The following TRUB2 variants were observed in gnomAD, a reference collection of about 807,000 sequenced individuals.
TRUB2 encodes the protein TruB pseudouridine synthase family member 2.
A neutral mutation model predicts 31.9 loss-of-function variants in TRUB2; 31 were observed. That is an observed-to-expected ratio of 0.97 (90% CI 0.73 to 1.31). TRUB2 has a LOEUF of 1.31. TRUB2 is among the 50% of genes most tolerant of loss of function. The pLI is 0.00. For missense variants in TRUB2, 451 were observed against 439.6 expected (o/e 1.03, Z -0.23); for synonymous variants, 201 against 182.6 (o/e 1.10, Z -0.81).
chr9:128,317,005 C>T, intron 3 of TRUB2, 147 bp downstream of exon 3: 1 of 672,910 alleles, frequency 1.5e-6, no homozygotes, highest in Non-Finnish European at 2.5e-6. Flanking sequence ...ATCCACTCCC[C>T]AGCTGATCAG....
Position 128,321,708 on chromosome 9 carries a change from G to T in TRUB2, c.132C>A (p.Pro44=), listed in dbSNP as rs766048968. ...LLKGLNARKP[P]APKQRVRFLL... is the part of the protein sequence containing the mutation. ...AGAAGCGAACACGCTGTTTAGGAGC[G>T]GGAGGCTTCCTGGCATTGAGACCTG... The change falls in exon 2 of 8, where the codon CCC becomes CCA. Residue 44 remains proline, a synonymous_variant. Coordinates refer to ENST00000372890, the MANE Select transcript of TRUB2 (RefSeq NM_015679.3). 6.8e-6 allele frequency: 11 copies of T among 1,608,386 alleles called. No homozygotes were observed. Among genetic ancestry groups the T allele is most frequent in the Non-Finnish European group, 8.5e-6 (10 of 1,175,268 alleles).
chr9:128,316,519 G>A (rs1348896241), intron 3 of TRUB2: 1 of 152,410 alleles, frequency 6.6e-6, no homozygotes, highest in African/African-American at 2.4e-5. Context: ...TCTGGCTGAG[G>A]GACAGAATAA....
At chr9:128,311,998 G>T (rs949620172) in intron 5 of TRUB2, among the ~76,000 whole-genome samples, 13 of 151,598 alleles carry the variant, frequency 8.6e-5, no homozygotes, top group Non-Finnish European at 1.6e-4. Flanking sequence ...ACCACGTCCG[G>T]CTAATTTTTT....
At chr9:128,318,406 A>G (rs1385538394) in intron 2 of TRUB2, among the ~76,000 whole-genome samples, 12 of 152,192 alleles carry the variant, frequency 7.9e-5, no homozygotes. Context: ...CTACCTTAGG[A>G]CTTCTACCTA....
Position 128,322,280 on chromosome 9 carries a change from G to T in TRUB2, c.109+20C>A, listed in dbSNP as rs573393921. ...CAAGAGAACGAGAGCGGGAACGTGG[G>T]TCTGGTTCGAGGCACTCACCCTTCA... is the stretch of plus-strand genomic sequence containing the variant. On this transcript the variant is annotated intron_variant, in intron 1 of 7. Transcript: ENST00000372890. 6 of 1,597,132 alleles carry T rather than the reference G, an allele frequency of 3.8e-6. No homozygotes were observed. In the South Asian group the frequency reaches 6.6e-5, roughly 18 times the overall value.
chr9:128,309,714 T>C lies in TRUB2; in HGVS notation c.832A>G (p.Asn278Asp). 6.2e-7 allele frequency: 1 copy of C among 1,614,208 alleles called. No individual in the cohort carries two copies. Residue 278 changes from asparagine to aspartate, a missense_variant, in exon 8 of 8, where the codon AAC (asparagine) becomes GAC (aspartate). Coordinates refer to ENST00000372890, the MANE Select transcript of TRUB2 (RefSeq NM_015679.3). ...ALLRTQWDLT[N>D]IQDAIRAATP... ...GCAGCCCGGATAGCATCCTGGATGTTGGTTAGGTCCCACTGGGTCCTCAGG... is the reference window on the plus strand; with the variant it reads ...GCAGCCCGGATAGCATCCTGGATGTCGGTTAGGTCCCACTGGGTCCTCAGG...
At chr9:128,319,915 G>A (rs1309176653) in intron 2 of TRUB2, among the ~76,000 whole-genome samples, 3 of 148,502 alleles carry the variant, frequency 2.0e-5, no homozygotes, top group African/African-American at 7.4e-5. Context: ...CACCACACCT[G>A]GCCACTTTTT....
rs1047178985 is a variant in TRUB2 at position 128,311,552 on chromosome 9, G to A, written c.510C>T (p.Gly170=). ...KLDRILAVIQ[G]SHQKALVMYS... ...ACATCACCAGGGCCTTCTGATGGGA[G>A]CCTTGGATAACGGCCAGAATGCGGT... Residue 170 remains glycine (G), a synonymous_variant, in exon 6 of 8, where the codon GGC becomes GGT. Coordinates refer to ENST00000372890, the MANE Select transcript of TRUB2 (RefSeq NM_015679.3). 6 of 1,614,150 alleles carry A rather than the reference G, an allele frequency of 3.7e-6. No homozygotes were observed. The highest frequency in any genetic ancestry group is 4.2e-6 in the Non-Finnish European group (5 of 1,180,016).
chr9:128,316,274 CCCA>C (rs1832067169), intron 3 of TRUB2: 1 of 152,228 alleles, frequency 6.6e-6, no homozygotes. Flanking sequence ...CACCTGTAAT[CCCA>C]CCTACTCGGG....
intron 2 of TRUB2, among the ~76,000 whole-genome samples, chr9:128,318,755 A>G (rs929562308): frequency 6.6e-6 from 1 of 151,784 alleles, no homozygotes; most frequent in African/African-American, 2.4e-5. Flanking sequence ...GCTGGTCTTG[A>G]ACTCTTGACC....
rs749816073 is a variant in TRUB2, at chr9:128,309,614, C to T, written c.932G>A (p.Gly311Glu). ...GLDTKQLPSPGWSWDSQGPSS... is the reference protein window; with the variant it reads ...GLDTKQLPSPEWSWDSQGPSS... ...CGGGCCCTGGGAGTCCCAGGACCATCCCGGACTGGGGAGCTGCTTGGTGTC... is the reference window on the plus strand; with the variant it reads ...CGGGCCCTGGGAGTCCCAGGACCATTCCGGACTGGGGAGCTGCTTGGTGTC... The change falls in exon 8 of 8, where the codon GGA (glycine) becomes GAA (glutamate). Residue 311 changes from glycine to glutamate, a missense_variant. Coordinates refer to ENST00000372890, the MANE Select transcript of TRUB2 (RefSeq NM_015679.3). 6.2e-7 allele frequency: 1 copy of T among 1,614,136 alleles called. No individual in the cohort carries two copies. Among genetic ancestry groups the T allele is most frequent in the South Asian group, 1.1e-5 (1 of 91,078 alleles).
At chr9:128,310,069 AG>A (rs2131442479) in intron 7 of TRUB2, among the ~76,000 whole-genome samples, 194 bp from the exon 8 acceptor site, 1 of 152,066 alleles carries the variant, frequency 6.6e-6, no homozygotes, top group Non-Finnish European at 1.5e-5. Flanking sequence ...GCAGAACCTC[AG>A]GCCCCACCGG....
chr9:128,317,664 C>T (rs527480650), intron 2 of TRUB2, among the ~76,000 whole-genome samples: 7 of 152,256 alleles, frequency 4.6e-5, no homozygotes, highest in African/African-American at 1.7e-4. Context: ...GTTTACACTT[C>T]TACAGATTAA....
intron 2 of TRUB2, among the ~76,000 whole-genome samples, chr9:128,319,325 C>CAA (rs1341161451): frequency 3.5e-4 from 31 of 89,432 alleles, no homozygotes; most frequent in African/African-American, 1.2e-3. Context: ...GACTCCGTCT[C>CAA]AAAAAAAAAA....
In TRUB2 at chr9:128,315,593, C is replaced by CCT; in HGVS notation, c.351_352insAG (p.Asp118ArgfsTer32). 1.2e-6 allele frequency: 2 copies of CCT among 1,613,654 alleles called. No homozygotes were observed. The highest frequency in any genetic ancestry group is 2.2e-5 in the South Asian group (2 of 91,020). ...TTGGTAAGATGAGCATTGTACATATCGGTGAGGAGCCTGCATCCATGTCCC... is the reference window on the plus strand; with the variant it reads ...TTGGTAAGATGAGCATTGTACATATCCTGGTGAGGAGCCTGCATCCATGTCCC... On this transcript the variant is annotated frameshift_variant, in exon 4 of 8. Transcript: ENST00000372890. LOFTEE classifies it high-confidence loss of function.
intron 3 of TRUB2, 32 bp from the exon 4 acceptor site, chr9:128,315,660 G>C: frequency 6.2e-7 from 1 of 1,606,822 alleles, no homozygotes; most frequent in Non-Finnish European, 8.5e-7. Flanking sequence ...CTCACACCTG[G>C]GACCCCCTTC....
At chr9:128,321,473 G>T (rs1183939402) in intron 2 of TRUB2, 126 bp downstream of exon 2, 11 of 1,508,228 alleles carry the variant, frequency 7.3e-6, no homozygotes, top group South Asian at 1.2e-5. Context: ...CCAATTCCTG[G>T]TCTAATACCT....
In TRUB2 at chr9:128,306,086, C is replaced by T. The variant is rs1005662676; in HGVS notation, c.*3464G>A. The T allele has an allele frequency of 6.6e-6, 1 of 152,212 alleles. No homozygotes were observed. Among genetic ancestry groups the T allele is most frequent in the Non-Finnish European group, 1.5e-5 (1 of 68,040 alleles). The allele number at this position is 152,212 out of a possible 1,614,324, so 9.4% of individuals were successfully genotyped here. ...ACAATCGTTGATTGTTCAACTCCAT[C>T]CGTCTCAGAGTTAAAGACACAGGAT... On this transcript the variant is annotated 3_prime_UTR_variant, in exon 8 of 8. Coordinates refer to ENST00000372890, the MANE Select transcript of TRUB2 (RefSeq NM_015679.3).
intron 2 of TRUB2, among the ~76,000 whole-genome samples, chr9:128,321,063 A>G (rs371189525): frequency 2.6e-5 from 4 of 152,386 alleles, no homozygotes; most frequent in African/African-American, 9.6e-5. Context: ...CTGGGATTAC[A>G]GGCGTGAGCC....
Sources: allele counts gnomAD v4.1 joint callset (sites outside exome capture counted in the v4.1 genomes callset), GRCh38; gene constraint gnomAD v4.1.1; transcripts MANE v1.5; gene names NCBI Gene and HGNC (gene_info 2026-07-23, HGNC 2026-07-21).